Variants in N4BP2L2 observed in about 807,000 individuals in gnomAD.
N4BP2L2 encodes the protein NEDD4 binding protein 2 like 2.
A neutral mutation model predicts 56.2 loss-of-function variants in N4BP2L2; 50 were observed. That is an observed-to-expected ratio of 0.89 (90% confidence interval 0.71 to 1.13). N4BP2L2 has a LOEUF of 1.13. Ranked by LOEUF, N4BP2L2 falls within the 50% of genes most tolerant of loss-of-function variation. The pLI is 0.00. For synonymous variants in N4BP2L2, 203 were observed against 223.6 expected (o/e 0.91, Z 0.82); for missense variants, 689 against 693.8 (o/e 0.99, Z 0.08).
Position 32,453,515 on chromosome 13 carries a change from T to C in N4BP2L2, c.366-9389A>G, listed in dbSNP as rs1047265361. ...TTTTGAGACAGGGTATGGCTATGTT[T>C]CCTAGGCTGGAGTGCAGTGGCTATT... On this transcript the variant is annotated intron_variant, in intron 6 of 9. Transcript: ENST00000357505. 2.0e-5 allele frequency among the ~76,000 whole-genome samples: 3 copies of C among 152,272 alleles called. No individual in the cohort carries two copies. The South Asian group carries it at 6.2e-4, about 32-fold the overall frequency.
chr13:32,442,215 G>A (rs942214890), intron 7 of N4BP2L2, among the ~76,000 whole-genome samples: 1 of 152,164 alleles, frequency 6.6e-6, no homozygotes, highest in East Asian at 1.9e-4. Flanking sequence ...ACAGCAAAGG[G>A]TGGGGACTTT....
At chr13:32,475,320 T>C (rs1472385804) in intron 6 of N4BP2L2, among the ~76,000 whole-genome samples, 1 of 151,450 alleles carries the variant, frequency 6.6e-6, no homozygotes, top group East Asian at 1.9e-4. Context: ...ACACGAGGAG[T>C]GGGTTTAGCA....
intron 2 of N4BP2L2, among the ~76,000 whole-genome samples, chr13:32,529,573 A>T (rs1441468293): frequency 6.6e-6 from 1 of 152,184 alleles, no homozygotes; most frequent in African/African-American, 2.4e-5. Context: ...TTTGATTGTA[A>T]CTGATCATGT....
intron 6 of N4BP2L2, among the ~76,000 whole-genome samples, chr13:32,469,980 T>C (rs977062012): frequency 2.0e-5 from 3 of 152,180 alleles, no homozygotes; most frequent in African/African-American, 7.2e-5. Flanking sequence ...GGCAATCCAC[T>C]GGTCCCTGAA....
Position 32,481,650 on chromosome 13 carries a change from T to A in N4BP2L2, c.365+36207A>T, listed in dbSNP as rs114381118. On this transcript the variant is annotated intron_variant, in intron 6 of 9. Transcript: ENST00000357505. ...TTCATTGGGTTTTGAAAGTAGTCCA[T>A]GATTCAAAAAAGGGGTAAGCCTCTG... 2.4e-3 allele frequency among the ~76,000 whole-genome samples: 367 copies of A among 152,252 alleles called. 2 individuals are homozygous for A. The highest frequency in any genetic ancestry group is 8.3e-3 in the African/African-American group (346 of 41,572).
intron 6 of N4BP2L2, chr13:32,477,143 C>A: frequency 5.1e-6 from 3 of 593,938 alleles, no homozygotes. Context: ...TTGCCACTAT[C>A]ATACACCAGC....
At chr13:32,530,867 G>C (rs1468397299) in intron 2 of N4BP2L2, among the ~76,000 whole-genome samples, 7 of 149,370 alleles carry the variant, frequency 4.7e-5, no homozygotes, top group Non-Finnish European at 8.9e-5. Context: ...TACAGGTGAT[G>C]GGATGTCACT....
exon 1 of N4BP2L2, chr13:32,538,726 G>A (rs1053826513): frequency 1.0e-6 from 1 of 985,446 alleles, no homozygotes; most frequent in Non-Finnish European, 1.2e-6. Context: ...CTAAAGCCGA[G>A]GTCTGGAGGG....
chr13:32,446,644 C>T (rs939051367), intron 6 of N4BP2L2: 4 of 518,234 alleles, frequency 7.7e-6, no homozygotes, highest in Non-Finnish European at 9.9e-6. Context: ...GAACAGCTCT[C>T]TACTGTACAA....
intron 6 of N4BP2L2, among the ~76,000 whole-genome samples, chr13:32,490,362 T>G (rs1593818826): frequency 1.3e-5 from 2 of 152,286 alleles, no homozygotes; most frequent in East Asian, 3.9e-4. Flanking sequence ...TGGAGTGCAG[T>G]GGCGCGATCT....
At chr13:32,450,725 G>A (rs1029671803) in intron 6 of N4BP2L2, among the ~76,000 whole-genome samples, 4 of 151,380 alleles carry the variant, frequency 2.6e-5, no homozygotes, top group Non-Finnish European at 5.9e-5. Context: ...CTACCTCCAG[G>A]GTTCAAGTGA....
intron 1 of N4BP2L2, among the ~76,000 whole-genome samples, chr13:32,537,316 A>G (rs1414550363): frequency 6.6e-6 from 1 of 152,122 alleles, no homozygotes; most frequent in Non-Finnish European, 1.5e-5. Context: ...CTGAATTTAG[A>G]AGACCTAAAA....
chr13:32,455,470 C>T (rs1411860129), intron 6 of N4BP2L2, among the ~76,000 whole-genome samples: 1 of 152,220 alleles, frequency 6.6e-6, no homozygotes, highest in Non-Finnish European at 1.5e-5. Flanking sequence ...ACTGCTGCTG[C>T]AGGGGCCAAA....
At chr13:32,453,826 A>G (rs867770257) in intron 6 of N4BP2L2, among the ~76,000 whole-genome samples, 1 of 152,212 alleles carries the variant, frequency 6.6e-6, no homozygotes, top group African/African-American at 2.4e-5. Flanking sequence ...TCTGAGCTCA[A>G]AGGGCTTGTG....
intron 6 of N4BP2L2, among the ~76,000 whole-genome samples, chr13:32,494,540 G>A (rs560795823): frequency 3.0e-4 from 46 of 152,230 alleles, no homozygotes; most frequent in Non-Finnish European, 6.2e-4. Flanking sequence ...GAGGCGTGCA[G>A]ATCACGAGGT....
chr13:32,513,547 G>A (rs989402732), exon 6 of N4BP2L2: 9 of 152,080 alleles, frequency 5.9e-5, no homozygotes, highest in African/African-American at 2.2e-4. Context: ...TCTCTCCTCA[G>A]AAAATTCACG....
At chr13:32,480,638 C>A in intron 6 of N4BP2L2, 1 of 1,286,878 alleles carries the variant, frequency 7.8e-7, no homozygotes, top group Non-Finnish European at 1.0e-6. Flanking sequence ...TCAGTCACAC[C>A]TGAAAATGGA....
chr13:32,455,226 T>C (rs938743148), intron 6 of N4BP2L2, among the ~76,000 whole-genome samples: 11 of 151,918 alleles, frequency 7.2e-5, no homozygotes, highest in East Asian at 3.9e-4. Flanking sequence ...CCCAGGGGAG[T>C]AGCAGGGAAC....
At chr13:32,477,917 T>C (rs1369262583) in intron 6 of N4BP2L2, 2 of 1,289,390 alleles carry the variant, frequency 1.6e-6, no homozygotes, top group South Asian at 2.5e-5. Context: ...GAGAAAGTGA[T>C]CAATGTGTCA....
Sources: allele counts gnomAD v4.1 joint callset (sites outside exome capture counted in the v4.1 genomes callset), GRCh38; gene constraint gnomAD v4.1.1; transcripts MANE v1.5; gene names NCBI Gene and HGNC (gene_info 2026-07-23, HGNC 2026-07-21).